Variants in GATAD2B observed in about 807,000 individuals in gnomAD.
The protein encoded by GATAD2B is GATA zinc finger domain containing 2B, also known as transcriptional repressor p66-beta.
A neutral mutation model predicts 64.3 loss-of-function variants in GATAD2B; 8 were observed. That is an observed-to-expected ratio of 0.12 (90% confidence interval 0.07 to 0.22). The LOEUF (loss-of-function observed/expected upper bound fraction) is 0.22, where lower values mean the gene tolerates loss of function less well. Ranked by LOEUF, GATAD2B falls within the 10% of genes least tolerant of loss-of-function variation. The probability of loss-of-function intolerance (pLI) is 1.00; values close to 1 mark genes in which losing one functional copy is unlikely to be tolerated. For missense variants in GATAD2B, 453 were observed against 752.0 expected (o/e 0.60, Z 4.65); for synonymous variants, 281 against 271.3 (o/e 1.04, Z -0.35).
intron 7 of GATAD2B, among the ~76,000 whole-genome samples, chr1:153,815,595 A>C (rs1342874573): frequency 6.6e-6 from 1 of 152,212 alleles, no homozygotes; most frequent in African/African-American, 2.4e-5. Flanking sequence ...AAAAACACAC[A>C]AGATAGATAA....
At chr1:153,827,208 T>C (rs1674914201) in intron 2 of GATAD2B, among the ~76,000 whole-genome samples, 1 of 132,736 alleles carries the variant, frequency 7.5e-6, no homozygotes, top group East Asian at 2.2e-4. Context: ...GGCCACTCAC[T>C]ACACGCCAGC....
chr1:153,913,362 G>A (rs1678163758), intron 1 of GATAD2B, among the ~76,000 whole-genome samples: 1 of 152,170 alleles, frequency 6.6e-6, no homozygotes, highest in African/African-American at 2.4e-5. Context: ...CCTCACAGAA[G>A]AGAAACAATG....
intron 2 of GATAD2B, among the ~76,000 whole-genome samples, chr1:153,827,798 TTAAGAG>T (rs1317488031): frequency 4.6e-5 from 7 of 152,284 alleles, no homozygotes; most frequent in Admixed American, 6.5e-5. Flanking sequence ...ATTTTTTCTC[TTAAGAG>T]TAAGAACTAC....
Position 153,892,274 on chromosome 1 carries a change from C to T in GATAD2B, c.-2+30459G>A, listed in dbSNP as rs1299740366. ...CAAAACTCAAGAGTAAAACAGGTAA[C>T]AAGACTATTATAGTATATAGAACAC... is the stretch of plus-strand genomic sequence containing the variant. On this transcript the variant is annotated intron_variant, in intron 1 of 10. Transcript: ENST00000368655. Among the ~76,000 whole-genome samples the T allele has an allele frequency of 2.7e-5, 4 of 149,926 alleles. No homozygotes were observed. The Admixed American group carries it at 2.7e-4, about 10-fold the overall frequency.
At chr1:153,919,823 C>G (rs1044401013) in intron 1 of GATAD2B, among the ~76,000 whole-genome samples, 1 of 152,204 alleles carries the variant, frequency 6.6e-6, no homozygotes, top group Non-Finnish European at 1.5e-5. Flanking sequence ...TCCCTCCAAA[C>G]TACCTCAGAA....
intron 1 of GATAD2B, among the ~76,000 whole-genome samples, chr1:153,899,879 G>A (rs1214004472): frequency 1.3e-5 from 2 of 151,994 alleles, no homozygotes; most frequent in East Asian, 3.9e-4. Flanking sequence ...CATACCATTT[G>A]GTTCATTAAT....
Position 153,805,812 on chromosome 1 carries a change from T to C in GATAD2B, c.*4365A>G, listed in dbSNP as rs1674095780. ...TAGTAGGAGACCCCAGGTCTCCAGA[T>C]TGTAGCCCCCTCAACCCCTTTTGTG... is the stretch of plus-strand genomic sequence containing the variant. On this transcript the variant is annotated 3_prime_UTR_variant, in exon 11 of 11. Coordinates refer to ENST00000368655, the MANE Select transcript of GATAD2B (RefSeq NM_020699.4). 1 of 152,206 alleles carries C rather than the reference T, an allele frequency of 6.6e-6. No homozygotes were observed. Among genetic ancestry groups the C allele is most frequent in the East Asian group, 1.9e-4 (1 of 5,194 alleles). The allele number at this position is 152,206 out of a possible 1,614,324, so 9.4% of individuals were successfully genotyped here. A position where few individuals can be genotyped will look rare whatever the true frequency, so the allele number is the denominator to read the frequency against.
Position 153,875,707 on chromosome 1 carries a change from G to A in GATAD2B, c.-2+47026C>T, listed in dbSNP as rs1039363069. 2.4e-4 allele frequency among the ~76,000 whole-genome samples: 33 copies of A among 139,158 alleles called. No individual in the cohort carries two copies. The East Asian group carries it at 6.4e-3, about 27-fold the overall frequency. 91.3% of individuals were successfully genotyped at this position (139,158 alleles called of 152,430 possible). Reference sequence around the variant, plus strand: ...GGAAAAAAAAAAAAAAAAAAAAAAGGTAGCCACAAGCTGGCTAAAATAAAC... The same window carrying A: ...GGAAAAAAAAAAAAAAAAAAAAAAGATAGCCACAAGCTGGCTAAAATAAAC... On this transcript the variant is annotated intron_variant, in intron 1 of 10. Coordinates refer to ENST00000368655, the MANE Select transcript of GATAD2B (RefSeq NM_020699.4).
chr1:153,813,590 C>A (rs1674362538), intron 7 of GATAD2B, 138 bp from the exon 8 acceptor site: 1 of 648,414 alleles, frequency 1.5e-6, no homozygotes, highest in African/African-American at 1.8e-5. Context: ...CTATAATTTA[C>A]AAAATACTTT....
intron 1 of GATAD2B, among the ~76,000 whole-genome samples, chr1:153,838,935 G>A (rs1169397245): frequency 6.6e-6 from 1 of 151,712 alleles, no homozygotes; most frequent in African/African-American, 2.4e-5. Flanking sequence ...CATGGCAAAA[G>A]CTTGTCTCTA....
intron 1 of GATAD2B, chr1:153,853,449 G>A: frequency 1.8e-6 from 1 of 558,802 alleles, no homozygotes; most frequent in Non-Finnish European, 3.2e-6. Context: ...GGACGGCAGT[G>A]AAGCGCCTAT....
intron 1 of GATAD2B, chr1:153,852,916 T>A: frequency 1.2e-6 from 1 of 801,620 alleles, no homozygotes; most frequent in Non-Finnish European, 2.2e-6. Flanking sequence ...GCTCATGAGC[T>A]GCATTATCTG....
chr1:153,903,182 C>CACTCCAGCCTGGGCGACAGAGCGAG (rs1677830154), intron 1 of GATAD2B, among the ~76,000 whole-genome samples: 1 of 151,466 alleles, frequency 6.6e-6, no homozygotes, highest in African/African-American at 2.4e-5. Context: ...CGCTCCACTG[C>CACTCCAGCCTGGGCGACAGAGCGAG]ACTCCAGCCT....
rs1377993982 is a variant in GATAD2B at position 153,900,853 on chromosome 1, A to T, written c.-2+21880T>A. ...TAAAACTTTACTTATAAACACTGAA[A>T]TCTGAATTTCATGTAATTTTCACAT... On this transcript the variant is annotated intron_variant, in intron 1 of 10. Coordinates refer to ENST00000368655, the MANE Select transcript of GATAD2B (RefSeq NM_020699.4). 4.6e-5 allele frequency among the ~76,000 whole-genome samples: 7 copies of T among 152,182 alleles called. No homozygotes were observed. In the East Asian group the frequency reaches 1.3e-3, roughly 29 times the overall value.
At chr1:153,845,765 T>A (rs367557753) in intron 1 of GATAD2B, among the ~76,000 whole-genome samples, 67 of 151,540 alleles carry the variant, frequency 4.4e-4, no homozygotes, top group South Asian at 1.5e-3. Context: ...CTCAAAAAAA[T>A]AAATAAATAA....
chr1:153,824,319 A>T (rs1008942246), intron 2 of GATAD2B, among the ~76,000 whole-genome samples: 2 of 152,096 alleles, frequency 1.3e-5, no homozygotes, highest in African/African-American at 4.8e-5. Context: ...TCACCCCAAA[A>T]TAACATTTTT....
intron 1 of GATAD2B, among the ~76,000 whole-genome samples, chr1:153,863,674 A>G (rs758348935): frequency 3.3e-5 from 5 of 151,234 alleles, no homozygotes; most frequent in African/African-American, 4.9e-5. Context: ...TTCAGGCTGG[A>G]GTGCAGCTGT....
chr1:153,819,046 G>C, intron 3 of GATAD2B, 124 bp from the exon 4 acceptor site: 1 of 955,898 alleles, frequency 1.0e-6, no homozygotes, highest in Non-Finnish European at 1.5e-6. Context: ...AGTGGCAATA[G>C]GATTATCTTT....
intron 1 of GATAD2B, among the ~76,000 whole-genome samples, chr1:153,907,189 GC>G (rs1474440729): frequency 1.3e-5 from 2 of 152,208 alleles, no homozygotes; most frequent in African/African-American, 4.8e-5. Flanking sequence ...AGGGACTCAA[GC>G]AGATATCTGC....
Sources: gnomAD v4.1 joint callset for allele counts (sites outside exome capture counted in the v4.1 genomes callset) on GRCh38, gnomAD v4.1.1 for gene constraint, MANE v1.5 for transcripts, NCBI Gene and HGNC (gene_info 2026-07-23, HGNC 2026-07-21) for gene names.